The following CACNA1C variants were observed in gnomAD, a reference collection of about 807,000 sequenced individuals.
CACNA1C encodes voltage-dependent L-type calcium channel subunit alpha-1C.
Under a neutral mutation model 229.0 loss-of-function variants are expected in CACNA1C, and 30 were observed. That is an observed-to-expected ratio of 0.13 (90% CI 0.10 to 0.18). The LOEUF (loss-of-function observed/expected upper bound fraction) is 0.18. Among genes scored for constraint, CACNA1C ranks in the 10% least tolerant of loss-of-function variants. The probability of loss-of-function intolerance (pLI) is 1.00; values close to 1 mark genes in which losing one functional copy is unlikely to be tolerated. For missense variants in CACNA1C, 1,658 were observed against 2,845.0 expected (o/e 0.58, Z 9.49); for synonymous variants, 1,114 against 1,132.5 (o/e 0.98, Z 0.33).
At chr12:2,135,623 G>T (rs1267534522) in intron 3 of CACNA1C, among the ~76,000 whole-genome samples, 1 of 140,276 alleles carries the variant, frequency 7.1e-6, no homozygotes, top group Non-Finnish European at 1.5e-5. Context: ...CTGCTCAGGG[G>T]TCAGGGGTCA....
intron 1 of CACNA1C, among the ~76,000 whole-genome samples, chr12:2,044,781 A>T (rs1243694877): frequency 6.6e-6 from 1 of 152,170 alleles, no homozygotes; most frequent in Non-Finnish European, 1.5e-5. Context: ...CCCAAATGTC[A>T]TATCAAGGAA....
At chr12:2,546,146 G>A (rs2099880505) in intron 9 of CACNA1C, among the ~76,000 whole-genome samples, 1 of 152,170 alleles carries the variant, frequency 6.6e-6, no homozygotes, top group South Asian at 2.1e-4. Context: ...CTTCCGTGCA[G>A]TGGCTGGTGT....
intron 1 of CACNA1C, among the ~76,000 whole-genome samples, chr12:2,103,753 A>G (rs887204012): frequency 2.6e-5 from 4 of 152,174 alleles, no homozygotes; most frequent in Non-Finnish European, 1.5e-5. Flanking sequence ...TAATTTTTGT[A>G]TAAGGTATAA....
intron 3 of CACNA1C, among the ~76,000 whole-genome samples, chr12:2,201,018 T>G (rs1423438977): frequency 1.3e-5 from 2 of 152,178 alleles, no homozygotes; most frequent in African/African-American, 4.8e-5. Flanking sequence ...AATATCTCGT[T>G]TTTTGGAAAG....
rs529773769 is a variant in CACNA1C at position 2,300,798 on chromosome 12, T to C, written c.478-148178T>C. Among the ~76,000 whole-genome samples, 512 of 152,250 alleles carry C rather than the reference T, an allele frequency of 3.4e-3. 9 individuals carry two copies. The highest frequency in any genetic ancestry group is 1.7e-3 in the Non-Finnish European group (118 of 68,020). On this transcript the variant is annotated intron_variant, in intron 3 of 46. Transcript: ENST00000399655. ...TCTCCAGGGCTAGATGATTCAAGGA[T>C]GGCAACACAATGAGCCATGGAGGTG...
At position 2,493,297 on chromosome 12, in the gene CACNA1C, G is replaced by A. The variant is rs1597985542; in HGVS notation, c.1024G>A (p.Gly342Ser). Reference sequence around the variant, plus strand: ...GCCCGGCTGGGATGGTCCCAAGCACGGCATCACCAACTTTGACAACTTTGC... The same window carrying A: ...GCCCGGCTGGGATGGTCCCAAGCACAGCATCACCAACTTTGACAACTTTGC... ...CKPGWDGPKHGITNFDNFAFA... is the reference protein window; with the variant it reads ...CKPGWDGPKHSITNFDNFAFA... The change falls in exon 7 of 47, where the codon GGC (glycine) becomes AGC (serine). Residue 342 changes from glycine to serine, a missense_variant. Physicochemically the swap from Gly to Ser is moderately conservative, Grantham distance 56. Coordinates refer to ENST00000399655, the MANE Select transcript of CACNA1C (RefSeq NM_000719.7). This position sits in a 1 kb window ranked among gnomAD's most constrained non-coding sequence, Gnocchi z 4.6. 1 of 1,614,086 alleles carries A rather than the reference G, an allele frequency of 6.2e-7. No homozygotes were observed. The highest frequency in any genetic ancestry group is 8.5e-7 in the Non-Finnish European group (1 of 1,179,942).
chr12:2,374,529 C>A (rs1013979026), intron 3 of CACNA1C, among the ~76,000 whole-genome samples: 32 of 152,204 alleles, frequency 2.1e-4, no homozygotes, highest in Non-Finnish European at 7.3e-5. Flanking sequence ...TTCCGTGGGC[C>A]AGGCCTCAGG....
chr12:2,284,025 CG>C (rs1566872062), intron 3 of CACNA1C, among the ~76,000 whole-genome samples: 1 of 152,176 alleles, frequency 6.6e-6, no homozygotes, highest in East Asian at 1.9e-4. Context: ...GCAGTATACC[CG>C]GGTGAGGAGA....
rs979815307 is a variant in CACNA1C, at chr12:2,140,524, C to T, written c.477+20094C>T. Reference sequence around the variant, plus strand: ...AGGCTAGGAGGCCTCCATCCCAGACCTCTCTCTGCTCCTCACCAGCTGAGT... The same window carrying T: ...AGGCTAGGAGGCCTCCATCCCAGACTTCTCTCTGCTCCTCACCAGCTGAGT... On this transcript the variant is annotated intron_variant, in intron 3 of 46. Transcript: ENST00000399655. Among the ~76,000 whole-genome samples the T allele has an allele frequency of 6.6e-5, 10 of 151,424 alleles. 2 individuals carry two copies. The highest frequency in any genetic ancestry group is 1.3e-4 in the Non-Finnish European group (9 of 67,674).
At chr12:2,191,441 G>C (rs11614764) in intron 3 of CACNA1C, among the ~76,000 whole-genome samples, 51,944 of 151,930 alleles carry the variant, frequency 0.34, 9,388 homozygotes, top group South Asian at 0.39. Flanking sequence ...CGGGAGTCAC[G>C]TTCTCTGGCT....
upstream of CACNA1C, among the ~76,000 whole-genome samples, chr12:2,051,665 T>C (rs898952033): frequency 1.2e-4 from 19 of 152,066 alleles, no homozygotes; most frequent in African/African-American, 4.6e-4. Context: ...AGACGTGGAA[T>C]GATGAGAGAA....
intron 3 of CACNA1C, among the ~76,000 whole-genome samples, chr12:2,306,249 C>G (rs777666156): frequency 7.2e-5 from 11 of 152,200 alleles, no homozygotes; most frequent in Non-Finnish European, 1.3e-4. Flanking sequence ...TTCTCAGGCT[C>G]TGGTCCATGG....
intron 3 of CACNA1C, among the ~76,000 whole-genome samples, chr12:2,233,603 C>T (rs753825340): frequency 1.3e-5 from 2 of 152,200 alleles, no homozygotes; most frequent in Non-Finnish European, 2.9e-5. Context: ...AGATACCATT[C>T]CCTGTCCCAG....
At chr12:2,081,096 A>G (rs573688244) in intron 1 of CACNA1C, among the ~76,000 whole-genome samples, 1 of 152,366 alleles carries the variant, frequency 6.6e-6, no homozygotes, top group South Asian at 2.1e-4. Flanking sequence ...AACTGCTTAA[A>G]TGTCAAAGAA....
At chr12:2,218,472 C>A (rs563886269) in intron 3 of CACNA1C, among the ~76,000 whole-genome samples, 1 of 152,218 alleles carries the variant, frequency 6.6e-6, no homozygotes, top group South Asian at 2.1e-4. Flanking sequence ...GGCAGAGGGG[C>A]AAAACTCCCT....
At chr12:2,051,102 G>A (rs1288549121), upstream of CACNA1C, among the ~76,000 whole-genome samples, 1 of 152,196 alleles carries the variant, frequency 6.6e-6, no homozygotes, top group Non-Finnish European at 1.5e-5. Context: ...GGGGAGATAG[G>A]GAGCGCTGTG....
At position 2,691,184 on chromosome 12, in the gene CACNA1C, C is replaced by G; in HGVS notation, c.6402C>G (p.Tyr2134Ter). 6.4e-7 allele frequency: 1 copy of G among 1,571,952 alleles called. No individual in the cohort carries two copies. Among genetic ancestry groups the G allele is most frequent in the Non-Finnish European group, 8.6e-7 (1 of 1,158,408 alleles). The change falls in exon 47 of 47, where the codon TAC (tyrosine) becomes TAG (stop). Residue 2134 changes from tyrosine to a stop codon, truncating the protein, a stop_gained. Coordinates refer to ENST00000399655, the MANE Select transcript of CACNA1C (RefSeq NM_000719.7). LOFTEE classifies it high-confidence loss of function. ...SEEELQDSRV[Y>*]VSSL The stretch of plus-strand genomic sequence containing the variant: ...AGGAGCTCCAGGACAGCAGGGTCTA[C>G]GTCAGCAGCCTGTAGTGGGCGCTGC...
intron 3 of CACNA1C, among the ~76,000 whole-genome samples, chr12:2,438,318 TGA>T (rs2099170786): frequency 1.3e-5 from 2 of 148,248 alleles, no homozygotes; most frequent in Non-Finnish European, 3.0e-5. Context: ...GTGGTTGTGG[TGA>T]TGGTGGGGAT....
intron 13 of CACNA1C, among the ~76,000 whole-genome samples, chr12:2,574,010 A>G (rs1373337348): frequency 6.6e-6 from 1 of 152,208 alleles, no homozygotes; most frequent in African/African-American, 2.4e-5. Context: ...TATGAAGATC[A>G]TTCATCCTCT....
Sources: gnomAD v4.1 joint callset for allele counts (sites outside exome capture counted in the v4.1 genomes callset) on GRCh38, gnomAD v4.1.1 for gene constraint, Gnocchi (gnomAD v3.1) non-coding constraint, MANE v1.5 for transcripts, NCBI Gene and HGNC (gene_info 2026-07-23, HGNC 2026-07-21) for gene names.